INO80E: variants seen among roughly 807,000 people sequenced by gnomAD.
INO80E encodes the protein INO80 complex subunit E.
INO80E carries 20 observed loss-of-function variants against 27.3 expected under a neutral mutation model. That is an observed-to-expected ratio of 0.73 (90% CI 0.51 to 1.06). The LOEUF (loss-of-function observed/expected upper bound fraction) is 1.06, where lower values mean the gene tolerates loss of function less well. Among genes scored for constraint, INO80E ranks in the 50% least tolerant of loss-of-function variants. INO80E has a pLI of 0.00. For synonymous variants in INO80E, 167 were observed against 145.9 expected, an observed-to-expected ratio of 1.14 and a Z score of -1.04; for missense variants, 357 against 322.8, an observed-to-expected ratio of 1.11 and a Z score of -0.81.
intron 6 of INO80E, 43 bp from the exon 7 acceptor site, chr16:30,005,178 G>C (rs2070517306): frequency 1.4e-6 from 2 of 1,430,006 alleles, no homozygotes; most frequent in Non-Finnish European, 1.8e-6. Flanking sequence ...AGGCCCCAGT[G>C]CCTCCCTGAC....
chr16:30,001,102 G>A, intron 5 of INO80E, 62 bp downstream of exon 5: 1 of 1,494,048 alleles, frequency 6.7e-7, no homozygotes, highest in Non-Finnish European at 9.0e-7. Context: ...TGGGCAGAAG[G>A]GCTGGGCCTC....
chr16:30,004,456 C>T (rs1476834719), intron 6 of INO80E: 1 of 152,840 alleles, frequency 6.5e-6, no homozygotes, highest in Non-Finnish European at 1.5e-5. Flanking sequence ...AGCAGGACTT[C>T]TGACAAATAG....
intron 3 of INO80E, 83 bp downstream of exon 3, chr16:29,996,943 G>A: frequency 7.5e-7 from 1 of 1,339,714 alleles, no homozygotes; most frequent in South Asian, 1.2e-5. Context: ...TTTAGGCAGT[G>A]GTGGCTGATG....
In INO80E at chr16:30,005,595, G is replaced by A; in HGVS notation, c.*153G>A. 1.3e-6 allele frequency: 1 copy of A among 759,270 alleles called. No individual in the cohort carries two copies. The highest frequency in any genetic ancestry group is 2.2e-6 in the Non-Finnish European group (1 of 463,136). 47.0% of individuals were successfully genotyped at this position (759,270 alleles called of 1,614,324 possible). The stretch of plus-strand genomic sequence containing the variant: ...AGAAAAGGCGTAAACATGCACGGGT[G>A]TCCCCCAGGAGGGTGGCAGGGGCCC... On this transcript the variant is annotated 3_prime_UTR_variant, in exon 7 of 7. Transcript: ENST00000563197.
intron 6 of INO80E, chr16:30,001,863 A>G: frequency 3.5e-6 from 1 of 286,576 alleles, no homozygotes; most frequent in East Asian, 7.7e-5. Context: ...TATGGGATCT[A>G]GAGTCAAGTC....
At chr16:29,999,116 G>A (rs1232149206) in intron 3 of INO80E, among the ~76,000 whole-genome samples, 2 of 152,178 alleles carry the variant, frequency 1.3e-5, no homozygotes, top group African/African-American at 4.8e-5. Context: ...TTAGGACGTA[G>A]TGTTTTGTCA....
rs777046345 is a variant in INO80E, at chr16:30,001,421, C to T, written c.404C>T (p.Ser135Phe). The T allele has an allele frequency of 1.9e-6, 3 of 1,598,692 alleles. No homozygotes were observed. The highest frequency in any genetic ancestry group is 2.3e-5 in the East Asian group (1 of 44,256). The change falls in exon 6 of 7, where the codon TCC (serine) becomes TTC (phenylalanine). Residue 135 changes from serine (S) to phenylalanine (F), a missense_variant. Physicochemically the swap from Ser to Phe is radical, Grantham distance 155. Transcript: ENST00000563197. Reference sequence around the variant, plus strand: ...CCCCGCTCCCGCCCGCAGCTGGCCTCCTCCCGCTACCCCCCATTCCCTTCT... The same window carrying T: ...CCCCGCTCCCGCCCGCAGCTGGCCTTCTCCCGCTACCCCCCATTCCCTTCT... ...VPSPYLSSLASSRYPPFPSDY... is the reference protein window; with the variant it reads ...VPSPYLSSLAFSRYPPFPSDY...
In INO80E at chr16:29,996,258, C is replaced by T. The variant is rs2070103769; in HGVS notation, c.-53C>T. The T allele has an allele frequency of 1.3e-6, 2 of 1,518,092 alleles. No homozygotes were observed. Among genetic ancestry groups the T allele is most frequent in the African/African-American group, 1.4e-5 (1 of 72,606 alleles). The allele number at this position is 1,518,092 out of a possible 1,614,324, so 94.0% of individuals were successfully genotyped here. A position where few individuals can be genotyped will look rare whatever the true frequency, so the allele number is the denominator to read the frequency against. ...GTGGAGGCGGGAGCGGCACGGCAGCCACTGCTTGGGGTAGCGGGAGGGCAG... is the reference window on the plus strand; with the variant it reads ...GTGGAGGCGGGAGCGGCACGGCAGCTACTGCTTGGGGTAGCGGGAGGGCAG... On this transcript the variant is annotated 5_prime_UTR_variant, in exon 1 of 7. Transcript: ENST00000563197.
At chr16:29,996,690 G>C in intron 2 of INO80E, 73 bp downstream of exon 2, 1 of 1,588,946 alleles carries the variant, frequency 6.3e-7, no homozygotes. Flanking sequence ...TCCCCGAGTA[G>C]GGCCACAAGT....
In INO80E at chr16:29,997,223, CAG is replaced by C. The variant is rs141167674; in HGVS notation, c.205+364_205+365del. Among the ~76,000 whole-genome samples the C allele has an allele frequency of 7.1e-3, 1,082 of 152,234 alleles. 9 individuals are homozygous for C. Among genetic ancestry groups the C allele is most frequent in the African/African-American group, 0.025 (1,031 of 41,528 alleles). On this transcript the variant is annotated intron_variant, in intron 3 of 6. Transcript: ENST00000563197. ...TTATGCGGTAATGATTATAGTAGAA[CAG>C]GGGTTGATGAATTGTTTCTGCAAAG...
In INO80E at chr16:30,005,770, GT is replaced by G. The variant is rs2070560899; in HGVS notation, c.*329del. The G allele has an allele frequency of 4.2e-6, 2 of 474,012 alleles. No individual in the cohort carries two copies. The allele number at this position is 474,012 out of a possible 1,614,324, so 29.4% of individuals were successfully genotyped here. On this transcript the variant is annotated 3_prime_UTR_variant, in exon 7 of 7. Coordinates refer to ENST00000563197, the MANE Select transcript of INO80E (RefSeq NM_173618.3). ...GCTAGGTTTTTTCAATGAAGTTTCT[GT>G]ATTAAAGGAGTGGCTCTGGGTTTGT...
In INO80E at chr16:30,005,312, C is replaced by CGG; in HGVS notation, c.605_606insGG (p.Leu203AlafsTer13). ...GCTGGGGTCGGGACAACCCTGACCC[C>CGG]CCTCCCACCCCCTAAGATGCCCCCC... On this transcript the variant is annotated frameshift_variant, in exon 7 of 7. Transcript: ENST00000563197. LOFTEE classifies it high-confidence loss of function. The CGG allele has an allele frequency of 8.0e-7, 1 of 1,253,598 alleles. No homozygotes were observed. The allele number at this position is 1,253,598 out of a possible 1,614,324, so 77.7% of individuals were successfully genotyped here.
chr16:30,005,585 A>G lies in INO80E; in HGVS notation c.*143A>G, dbSNP rs918232040. ...TGACACAACCAGAAAAGGCGTAAAC[A>G]TGCACGGGTGTCCCCCAGGAGGGTG... is the stretch of plus-strand genomic sequence containing the variant. On this transcript the variant is annotated 3_prime_UTR_variant, in exon 7 of 7. Transcript: ENST00000563197. The G allele has an allele frequency of 3.8e-6, 3 of 788,802 alleles. No individual in the cohort carries two copies. Among genetic ancestry groups the G allele is most frequent in the African/African-American group, 3.6e-5 (2 of 55,640 alleles). 48.9% of individuals were successfully genotyped at this position (788,802 alleles called of 1,614,324 possible).
chr16:29,997,749 C>T (rs1229121170), intron 3 of INO80E, among the ~76,000 whole-genome samples: 9 of 142,492 alleles, frequency 6.3e-5, no homozygotes, highest in East Asian at 2.1e-4. Flanking sequence ...GGCGAGACTC[C>T]GTCTCAAAAA....
chr16:30,000,524 C>T (rs553239112), intron 3 of INO80E, among the ~76,000 whole-genome samples: 6 of 152,126 alleles, frequency 3.9e-5, no homozygotes, highest in Admixed American at 6.5e-5. Flanking sequence ...CCACCATGCT[C>T]GGATAATTGT....
chr16:29,997,968 G>A (rs1385513050), intron 3 of INO80E, among the ~76,000 whole-genome samples: 1 of 151,862 alleles, frequency 6.6e-6, no homozygotes, highest in East Asian at 1.9e-4. Flanking sequence ...TGTGGTCCCA[G>A]CTACTTGGGA....
chr16:29,996,252 G>A lies in INO80E; in HGVS notation c.-59G>A, dbSNP rs915948389. The A allele has an allele frequency of 6.7e-7, 1 of 1,496,998 alleles. No individual in the cohort carries two copies. Among genetic ancestry groups the A allele is most frequent in the Non-Finnish European group, 9.1e-7 (1 of 1,099,076 alleles). 92.7% of individuals were successfully genotyped at this position (1,496,998 alleles called of 1,614,324 possible). A position where few individuals can be genotyped will look rare whatever the true frequency, so the allele number is the denominator to read the frequency against. On this transcript the variant is annotated 5_prime_UTR_variant, in exon 1 of 7. Transcript: ENST00000563197. ...CCGGAAGTGGAGGCGGGAGCGGCACGGCAGCCACTGCTTGGGGTAGCGGGA... is the reference window on the plus strand; with the variant it reads ...CCGGAAGTGGAGGCGGGAGCGGCACAGCAGCCACTGCTTGGGGTAGCGGGA...
In INO80E at chr16:29,996,617, GGTGA is replaced by G; in HGVS notation, c.152+2_152+5del. The G allele has an allele frequency of 1.9e-6, 3 of 1,581,522 alleles. No homozygotes were observed. The highest frequency in any genetic ancestry group is 2.6e-6 in the Non-Finnish European group (3 of 1,163,574). On this transcript the variant is annotated splice_donor_variant and splice_donor_region_variant and intron_variant, in intron 2 of 6. Coordinates refer to ENST00000563197, the MANE Select transcript of INO80E (RefSeq NM_173618.3). LOFTEE classifies it high-confidence loss of function. Reference sequence around the variant, plus strand: ...TTACTGAAGGTGTCCCGGGACAAGAGGTGAGGCACGTTGCAGGGGCGGAGGGCGA... The same window carrying G: ...TTACTGAAGGTGTCCCGGGACAAGAGGGCACGTTGCAGGGGCGGAGGGCGA...
chr16:30,005,340 C>T lies in INO80E; in HGVS notation c.633C>T (p.Pro211=), dbSNP rs545788474. Reference sequence around the variant, plus strand: ...TCCCACCCCCTAAGATGCCCCCCCCCACGATCCTGAGCACGGTCCCTCGGC... The same window carrying T: ...TCCCACCCCCTAAGATGCCCCCCCCTACGATCCTGAGCACGGTCCCTCGGC... The part of the protein sequence containing the change: ...TPLPPPKMPP[P]TILSTVPRQM... Residue 211 remains proline, a synonymous_variant, in exon 7 of 7, where the codon CCC becomes CCT. Coordinates refer to ENST00000563197, the MANE Select transcript of INO80E (RefSeq NM_173618.3). 26 of 1,503,312 alleles carry T rather than the reference C, an allele frequency of 1.7e-5. No individual in the cohort carries two copies. The African/African-American group carries it at 2.2e-4, about 13-fold the overall frequency. The allele number at this position is 1,503,312 out of a possible 1,614,324, so 93.1% of individuals were successfully genotyped here.
Sources: gnomAD v4.1 joint callset for allele counts (sites outside exome capture counted in the v4.1 genomes callset) on GRCh38, gnomAD v4.1.1 for gene constraint, MANE v1.5 for transcripts, NCBI Gene and HGNC (gene_info 2026-07-23, HGNC 2026-07-21) for gene names.